Variants in GNG7 observed in about 807,000 individuals in gnomAD.
GNG7 encodes G protein subunit gamma 7.
In GNG7, 1 loss-of-function variant was observed where a neutral mutation model predicts 4.0. The ratio of observed to expected loss-of-function variants is 0.25; its 90% CI spans 0.09 to 1.18. GNG7 has a LOEUF of 1.18. Among genes scored for constraint, GNG7 ranks in the 50% most tolerant of loss-of-function variants. The pLI, the probability that GNG7 is intolerant of heterozygous loss-of-function variation, is 0.50. For synonymous variants in GNG7, 34 were observed against 36.9 expected (o/e 0.92, Z 0.29); for missense variants, 86 against 91.9 (o/e 0.94, Z 0.26).
chr19:2,657,889 G>A (rs998639534), intron 1 of GNG7, among the ~76,000 whole-genome samples: 1 of 151,942 alleles, frequency 6.6e-6, no homozygotes. Flanking sequence ...AAATAATGGC[G>A]TAAGCTGTCT....
At chr19:2,521,091 T>TAA in intron 3 of GNG7, among the ~76,000 whole-genome samples, 1 of 141,606 alleles carries the variant, frequency 7.1e-6, no homozygotes, top group South Asian at 2.3e-4. Context: ...TCATCGTTAC[T>TAA]AAAAAAAAAA....
chr19:2,678,951 C>A (rs1983662752), intron 1 of GNG7, among the ~76,000 whole-genome samples: 1 of 152,172 alleles, frequency 6.6e-6, no homozygotes, highest in Non-Finnish European at 1.5e-5. Flanking sequence ...CAAGCTACAG[C>A]TCCTATCCCA....
At chr19:2,518,436 C>G (rs1978293115) in intron 4 of GNG7, among the ~76,000 whole-genome samples, 1 of 152,234 alleles carries the variant, frequency 6.6e-6, no homozygotes, top group Admixed American at 6.5e-5. Flanking sequence ...CCTCAGCAGT[C>G]AGATTGCTGG....
At chr19:2,542,106 T>C (rs1385728267) in intron 3 of GNG7, among the ~76,000 whole-genome samples, 2 of 137,208 alleles carry the variant, frequency 1.5e-5, no homozygotes, top group South Asian at 2.3e-4. Flanking sequence ...CGCTGTGTGT[T>C]CTTTTTTTTT....
chr19:2,526,499 CAT>C (rs1426533705), intron 3 of GNG7, among the ~76,000 whole-genome samples: 10 of 136,854 alleles, frequency 7.3e-5, no homozygotes, highest in South Asian at 2.4e-4. Flanking sequence ...TTTGTTTACT[CAT>C]ATATTTATAT....
chr19:2,697,797 G>A (rs1030330210), intron 1 of GNG7, among the ~76,000 whole-genome samples: 8 of 143,460 alleles, frequency 5.6e-5, no homozygotes, highest in African/African-American at 1.6e-4. Flanking sequence ...CCCCCCCCCC[G>A]CCCGTCTCTA....
chr19:2,520,234 C>T (rs2041181), intron 4 of GNG7, among the ~76,000 whole-genome samples: 2 of 152,102 alleles, frequency 1.3e-5, no homozygotes, highest in Admixed American at 6.5e-5. Flanking sequence ...AAAGTAGATA[C>T]GACATGCAGT....
intron 2 of GNG7, among the ~76,000 whole-genome samples, chr19:2,561,102 C>A (rs572852773): frequency 6.6e-6 from 1 of 152,152 alleles, no homozygotes; most frequent in African/African-American, 2.4e-5. Context: ...CTCCCTCCCC[C>A]ATTCAAGGTG....
At chr19:2,683,172 G>T (rs1983785114) in intron 1 of GNG7, among the ~76,000 whole-genome samples, 1 of 152,068 alleles carries the variant, frequency 6.6e-6, no homozygotes, top group South Asian at 2.1e-4. Flanking sequence ...CCGGGAGGCA[G>T]AGGTTGCAGT....
chr19:2,556,458 C>A (rs142253067), intron 2 of GNG7, among the ~76,000 whole-genome samples: 1 of 152,386 alleles, frequency 6.6e-6, no homozygotes, highest in African/African-American at 2.4e-5. Flanking sequence ...GCCGGCCAGG[C>A]CCCTCTTCCG....
chr19:2,553,464 TTA>T (rs1401456498), intron 3 of GNG7, among the ~76,000 whole-genome samples: 5 of 147,390 alleles, frequency 3.4e-5, no homozygotes, highest in Non-Finnish European at 4.5e-5. Context: ...ATATATTATG[TTA>T]TATATTATAT....
intron 2 of GNG7, among the ~76,000 whole-genome samples, chr19:2,631,734 T>A (rs1982164375): frequency 6.6e-6 from 1 of 151,772 alleles, no homozygotes; most frequent in Non-Finnish European, 1.5e-5. Flanking sequence ...GGGCCTGGGG[T>A]GGGGGCACAG....
intron 2 of GNG7, among the ~76,000 whole-genome samples, chr19:2,621,416 G>T (rs1981865869): frequency 6.6e-6 from 1 of 151,258 alleles, no homozygotes. Context: ...AAAGAAAAAT[G>T]GCTGGGCACA....
In GNG7 at chr19:2,657,353, AAAAAAAAAATATATATATATATAT is replaced by A. The variant is rs1262306683; in HGVS notation, c.-134-11097_-134-11074del. Among the ~76,000 whole-genome samples, 25 of 20,764 alleles carry A rather than the reference AAAAAAAAAATATATATATATATAT, an allele frequency of 1.2e-3. 1 individual carries two copies. The highest frequency in any genetic ancestry group is 5.3e-3 in the Admixed American group (6 of 1,128). The allele number at this position is 20,764 out of a possible 152,430, so 13.6% of individuals were successfully genotyped here. Reference sequence around the variant, plus strand: ...CGTCTCAATTAAAAAAAAAAAAAAAAAAAAAAAAATATATATATATATATATATATATATATATATATATATACA... The same window carrying A: ...CGTCTCAATTAAAAAAAAAAAAAAAAATATATATATATATATATATATACA... On this transcript the variant is annotated intron_variant, in intron 1 of 4. Coordinates refer to ENST00000382159, the MANE Select transcript of GNG7 (RefSeq NM_052847.3).
intron 1 of GNG7, among the ~76,000 whole-genome samples, chr19:2,678,721 C>T (rs533381085): frequency 3.5e-4 from 53 of 152,230 alleles, no homozygotes; most frequent in African/African-American, 1.3e-3. Context: ...TTCTGCCAAG[C>T]CCCAGCCTGG....
intron 2 of GNG7, chr19:2,642,713 C>T (rs1348613117): frequency 2.3e-6 from 1 of 441,712 alleles, no homozygotes; most frequent in East Asian, 7.0e-5. Flanking sequence ...AGGCTGATCT[C>T]AAACTCCTGG....
intron 2 of GNG7, among the ~76,000 whole-genome samples, chr19:2,558,301 A>G (rs1469117935): frequency 6.7e-6 from 1 of 148,980 alleles, no homozygotes; most frequent in Non-Finnish European, 1.5e-5. Flanking sequence ...CAATGGCGTG[A>G]TCACAGCTCA....
At chr19:2,641,099 C>G (rs1049854194) in intron 2 of GNG7, among the ~76,000 whole-genome samples, 1 of 152,254 alleles carries the variant, frequency 6.6e-6, no homozygotes, top group Non-Finnish European at 1.5e-5. Context: ...GGTCCCGCAG[C>G]TGACCCTCAG....
At chr19:2,598,581 C>T (rs1257600035) in intron 2 of GNG7, among the ~76,000 whole-genome samples, 1 of 151,670 alleles carries the variant, frequency 6.6e-6, no homozygotes, top group Non-Finnish European at 1.5e-5. Flanking sequence ...GGTGTGAACC[C>T]AGGAGGCAGA....
Sources: gnomAD v4.1 joint callset for allele counts (sites outside exome capture counted in the v4.1 genomes callset) on GRCh38, gnomAD v4.1.1 for gene constraint, MANE v1.5 for transcripts, NCBI Gene and HGNC (gene_info 2026-07-23, HGNC 2026-07-21) for gene names.